The following PPP3CA variants were observed in gnomAD, a reference collection of about 807,000 sequenced individuals.
PPP3CA encodes protein phosphatase 3 catalytic subunit alpha.
A neutral mutation model predicts 66.5 loss-of-function variants in PPP3CA; 14 were observed. The ratio of observed to expected loss-of-function variants is 0.21; its 90% confidence interval spans 0.14 to 0.33. The LOEUF (loss-of-function observed/expected upper bound fraction) is 0.33, where lower values mean the gene tolerates loss of function less well. Ranked by LOEUF, PPP3CA falls within the 10% of genes least tolerant of loss-of-function variation. PPP3CA has a pLI of 1.00. For missense variants in PPP3CA, 317 were observed against 639.5 expected (o/e 0.50, Z 5.44); for synonymous variants, 232 against 226.2 (o/e 1.03, Z -0.23).
intron 2 of PPP3CA, among the ~76,000 whole-genome samples, chr4:101,151,259 T>A (rs1045985883): frequency 1.3e-5 from 2 of 152,150 alleles, no homozygotes; most frequent in Non-Finnish European, 2.9e-5. Context: ...CAGATTCATT[T>A]CCATATAGAA....
chr4:101,235,101 G>A (rs1724746513), intron 1 of PPP3CA, among the ~76,000 whole-genome samples: 1 of 151,674 alleles, frequency 6.6e-6, no homozygotes, highest in Non-Finnish European at 1.5e-5. Flanking sequence ...GATATTATTT[G>A]AGAGACTACT....
chr4:101,073,328 G>A (rs1180677451), intron 8 of PPP3CA, among the ~76,000 whole-genome samples: 1 of 150,022 alleles, frequency 6.7e-6, no homozygotes, highest in Admixed American at 6.7e-5. Context: ...CCAGGCTGGA[G>A]TGCAATGGCG....
At chr4:101,224,764 A>G (rs1725729863) in intron 1 of PPP3CA, among the ~76,000 whole-genome samples, 1 of 151,796 alleles carries the variant, frequency 6.6e-6, no homozygotes, top group Non-Finnish European at 1.5e-5. Context: ...TACTATAAAT[A>G]AGTTTCATTA....
chr4:101,218,563 C>T (rs535977624), intron 1 of PPP3CA, among the ~76,000 whole-genome samples: 12 of 151,930 alleles, frequency 7.9e-5, no homozygotes, highest in Non-Finnish European at 1.6e-4. Flanking sequence ...TTTTCACAAA[C>T]ACTAGGAAAG....
intron 1 of PPP3CA, among the ~76,000 whole-genome samples, chr4:101,235,362 CA>C (rs1726092852): frequency 6.6e-6 from 1 of 151,434 alleles, no homozygotes. Context: ...CAATTTATGT[CA>C]ATTCAAACTT....
At chr4:101,295,292 A>G (rs1241936850) in intron 1 of PPP3CA, among the ~76,000 whole-genome samples, 1 of 138,038 alleles carries the variant, frequency 7.2e-6, no homozygotes, top group East Asian at 2.2e-4. Flanking sequence ...TGGGTGACAG[A>G]GCGAGACTCC....
At chr4:101,077,653 T>C (rs1729249472) in intron 8 of PPP3CA, among the ~76,000 whole-genome samples, 1 of 152,182 alleles carries the variant, frequency 6.6e-6, no homozygotes, top group African/African-American at 2.4e-5. Context: ...AATACATCTT[T>C]CTCTTCCCTA....
At chr4:101,089,417 T>A (rs932261162) in intron 6 of PPP3CA, among the ~76,000 whole-genome samples, 4 of 152,120 alleles carry the variant, frequency 2.6e-5, no homozygotes, top group Non-Finnish European at 4.4e-5. Flanking sequence ...GGCTGCTGAT[T>A]TGTGATTAAG....
chr4:101,180,034 T>C (rs913382654), intron 2 of PPP3CA, among the ~76,000 whole-genome samples: 5 of 152,186 alleles, frequency 3.3e-5, no homozygotes, highest in Admixed American at 6.6e-5. Context: ...CCAAAAATGA[T>C]AGGACCATGA....
chr4:101,303,576 T>A (rs747113729), intron 1 of PPP3CA, among the ~76,000 whole-genome samples: 1 of 152,144 alleles, frequency 6.6e-6, no homozygotes, highest in Non-Finnish European at 1.5e-5. Context: ...TCCAAAAATG[T>A]TTCACTGATA....
At chr4:101,245,941 A>G (rs932247793) in intron 1 of PPP3CA, among the ~76,000 whole-genome samples, 1 of 151,654 alleles carries the variant, frequency 6.6e-6, no homozygotes, top group Admixed American at 6.6e-5. Flanking sequence ...CTTCCTATTA[A>G]CCCATTGTCA....
intron 1 of PPP3CA, among the ~76,000 whole-genome samples, chr4:101,216,699 AT>A (rs1424693708): frequency 2.0e-5 from 3 of 151,922 alleles, no homozygotes; most frequent in Non-Finnish European, 4.4e-5. Flanking sequence ...CACCAGATCC[AT>A]TTATTTTTTA....
At chr4:101,311,280 G>T (rs1728713848) in intron 1 of PPP3CA, among the ~76,000 whole-genome samples, 1 of 152,130 alleles carries the variant, frequency 6.6e-6, no homozygotes, top group South Asian at 2.1e-4. Flanking sequence ...ATGTGACAAG[G>T]CACTGTGCTT....
At chr4:101,253,365 A>G (rs1726738560) in intron 1 of PPP3CA, among the ~76,000 whole-genome samples, 1 of 152,162 alleles carries the variant, frequency 6.6e-6, no homozygotes, top group African/African-American at 2.4e-5. Context: ...TAGCTAGTTA[A>G]GTTCAGAAAA....
At chr4:101,275,096 C>A (rs1440647346) in intron 1 of PPP3CA, among the ~76,000 whole-genome samples, 2 of 152,088 alleles carry the variant, frequency 1.3e-5, no homozygotes, top group South Asian at 2.1e-4. Flanking sequence ...TCCTCATTAG[C>A]CTCATTATTT....
rs532011728 is a variant in PPP3CA at position 101,290,227 on chromosome 4, G to T, written c.58+56512C>A. On this transcript the variant is annotated intron_variant, in intron 1 of 13. Coordinates refer to ENST00000394854, the MANE Select transcript of PPP3CA (RefSeq NM_000944.5). ...TGTTTCTAGTTTGATTAAGTCATAAGATGCATTCTATAAGAAAGATCATTT... is the reference window on the plus strand; with the variant it reads ...TGTTTCTAGTTTGATTAAGTCATAATATGCATTCTATAAGAAAGATCATTT... 4.6e-5 allele frequency among the ~76,000 whole-genome samples: 7 copies of T among 152,250 alleles called. No homozygotes were observed. In the South Asian group the frequency reaches 1.5e-3, roughly 32 times the overall value.
intron 10 of PPP3CA, among the ~76,000 whole-genome samples, chr4:101,051,629 C>A (rs1326249957): frequency 6.6e-6 from 1 of 152,118 alleles, no homozygotes. Flanking sequence ...TTCTAAAATA[C>A]AGAGATTCTT....
chr4:101,066,442 A>G (rs1211995625), intron 8 of PPP3CA, among the ~76,000 whole-genome samples: 1 of 152,184 alleles, frequency 6.6e-6, no homozygotes, highest in Non-Finnish European at 1.5e-5. Context: ...TTCACTGTTA[A>G]CAATGAAAGG....
intron 8 of PPP3CA, among the ~76,000 whole-genome samples, 182 bp downstream of exon 8, chr4:101,080,350 A>G (rs1729379450): frequency 6.6e-6 from 1 of 152,202 alleles, no homozygotes; most frequent in Admixed American, 6.5e-5. Context: ...CATAAGCCCA[A>G]TCTCTGACCA....
Sources: allele counts gnomAD v4.1 joint callset (sites outside exome capture counted in the v4.1 genomes callset), GRCh38; gene constraint gnomAD v4.1.1; transcripts MANE v1.5; gene names NCBI Gene and HGNC (gene_info 2026-07-23, HGNC 2026-07-21).